Variants in PEAR1 observed in about 807,000 individuals in gnomAD.
PEAR1 encodes multiple EGF-like domains protein 12.
Under a neutral mutation model 131.2 loss-of-function variants are expected in PEAR1, and 113 were observed. The ratio of observed to expected loss-of-function variants is 0.86; its 90% CI spans 0.74 to 1.01. PEAR1 has a LOEUF of 1.01. PEAR1 is among the 50% of genes least tolerant of loss of function. PEAR1 has a pLI of 0.00. For missense variants in PEAR1, 1,408 were observed against 1,391.1 expected, an observed-to-expected ratio of 1.01 and a Z score of -0.19; for synonymous variants, 565 against 523.3, an observed-to-expected ratio of 1.08 and a Z score of -1.09.
chr1:156,913,443 C>G lies in PEAR1; in HGVS notation c.2564C>G (p.Ala855Gly). 1 of 1,613,832 alleles carries G rather than the reference C, an allele frequency of 6.2e-7. No individual in the cohort carries two copies. Among genetic ancestry groups the G allele is most frequent in the Non-Finnish European group, 8.5e-7 (1 of 1,180,030 alleles). Residue 855 changes from alanine (A) to glycine (G), a missense_variant, in exon 20 of 23, where the codon GCC becomes GGC. Coordinates refer to ENST00000292357, the MANE Select transcript of PEAR1 (RefSeq NM_001080471.3). ...SLQNPERPGG[A>G]QGHDNHTTLP... ...CAGAACCCTGAGCGGCCAGGTGGGG[C>G]CCAAGGGCATGATAACCACACCACC...
In PEAR1 at chr1:156,913,237, C is replaced by T. The variant is rs113502219; in HGVS notation, c.2466C>T (p.Tyr822=). 1,133 of 1,613,818 alleles carry T rather than the reference C, an allele frequency of 7.0e-4. 11 individuals are homozygous for T. The African/African-American group carries it at 0.013, about 18-fold the overall frequency. ...SYSHYYSNPS[Y]HTLSQCSPNP... ...GTCACTACTACTCCAACCCCAGCTA[C>T]CACACCCTGTCGCAGTGCTCCCCAA... Residue 822 remains tyrosine, a synonymous_variant, in exon 19 of 23, where the codon TAC becomes TAT. Coordinates refer to ENST00000292357, the MANE Select transcript of PEAR1 (RefSeq NM_001080471.3).
At chr1:156,907,292 C>T (rs1352873040) in intron 6 of PEAR1, among the ~76,000 whole-genome samples, 3 of 152,158 alleles carry the variant, frequency 2.0e-5, no homozygotes, top group African/African-American at 4.8e-5. Flanking sequence ...TGGAGGCGCT[C>T]GTGGAGTTGA....
intron 1 of PEAR1, among the ~76,000 whole-genome samples, chr1:156,896,899 A>T (rs1233426419): frequency 6.6e-6 from 1 of 152,194 alleles, no homozygotes; most frequent in Admixed American, 6.5e-5. Flanking sequence ...TTGCTTTGTA[A>T]CGTTGAAAAG....
Position 156,909,718 on chromosome 1 carries a change from T to C in PEAR1, c.1412-33T>C, listed in dbSNP as rs1415762808. ...GTGCTTGCTCAGGAAGGGAAATGGG[T>C]CCCCATACCTACCTACCAGGCCCCT... On this transcript the variant is annotated intron_variant, in intron 11 of 22. Coordinates refer to ENST00000292357, the MANE Select transcript of PEAR1 (RefSeq NM_001080471.3). 1.2e-5 allele frequency: 19 copies of C among 1,567,958 alleles called. No individual in the cohort carries two copies. The South Asian group carries it at 1.9e-4, about 16-fold the overall frequency.
chr1:156,894,309 T>G (rs1327495513), intron 1 of PEAR1, among the ~76,000 whole-genome samples: 1 of 152,220 alleles, frequency 6.6e-6, no homozygotes, highest in African/African-American at 2.4e-5. Context: ...TCAAGAGGCC[T>G]GACCTCTGTG....
intron 17 of PEAR1, 21 bp from the exon 18 acceptor site, chr1:156,912,749 T>A (rs1278074639): frequency 6.2e-7 from 1 of 1,613,868 alleles, no homozygotes; most frequent in Admixed American, 1.7e-5. Context: ...CCATTCTGAG[T>A]GAGCACCCCA....
At chr1:156,909,239 C>T (rs984855411) in intron 11 of PEAR1, among the ~76,000 whole-genome samples, 35 of 152,330 alleles carry the variant, frequency 2.3e-4, no homozygotes, top group African/African-American at 7.7e-4. Flanking sequence ...AAAGATCCTA[C>T]CTGTCCTTAA....
intron 1 of PEAR1, among the ~76,000 whole-genome samples, chr1:156,901,529 A>G (rs144405906): frequency 2.6e-5 from 4 of 152,350 alleles, no homozygotes; most frequent in Middle Eastern, 3.4e-3. Context: ...CCACCACGCC[A>G]TAGGCTCTGT....
chr1:156,908,477 G>A lies in PEAR1; in HGVS notation c.1115+137G>A, dbSNP rs1000591071. On this transcript the variant is annotated intron_variant, in intron 9 of 22. Transcript: ENST00000292357. The surrounding 1 kb of genome is among the most constrained non-coding windows in gnomAD (Gnocchi z 4.2). Reference sequence around the variant, plus strand: ...GGGAAAGGGAGGGACCTCAGGGGCCGGGAGGGGCCTGGGGTACCGCTACTT... The same window carrying A: ...GGGAAAGGGAGGGACCTCAGGGGCCAGGAGGGGCCTGGGGTACCGCTACTT... The A allele has an allele frequency of 6.3e-5, 79 of 1,245,396 alleles. No homozygotes were observed. The highest frequency in any genetic ancestry group is 8.2e-5 in the Non-Finnish European group (76 of 926,280). 77.1% of individuals were successfully genotyped at this position (1,245,396 alleles called of 1,614,324 possible).
intron 2 of PEAR1, 145 bp downstream of exon 2, chr1:156,904,172 C>T: frequency 1.5e-6 from 1 of 678,098 alleles, no homozygotes; most frequent in South Asian, 1.8e-5. Flanking sequence ...TTCTCTGTTT[C>T]TGCTCTCTCT....
intron 1 of PEAR1, among the ~76,000 whole-genome samples, chr1:156,898,963 A>T (rs1361698723): frequency 6.6e-6 from 1 of 152,190 alleles, no homozygotes; most frequent in East Asian, 1.9e-4. Context: ...GAACAAGACA[A>T]AAGTCCAAAA....
chr1:156,908,281 C>A lies in PEAR1; in HGVS notation c.1056C>A (p.Asp352Glu). 2 of 1,581,870 alleles carry A rather than the reference C, an allele frequency of 1.3e-6. No homozygotes were observed. The highest frequency in any genetic ancestry group is 1.1e-5 in the South Asian group (1 of 87,472). Residue 352 changes from aspartate to glutamate, a missense_variant, in exon 9 of 23, where the codon GAC becomes GAA. Transcript: ENST00000292357. This position sits in a 1 kb window ranked among gnomAD's most constrained non-coding sequence, Gnocchi z 4.2. ...GCTGCACGGATCGCCTCTGCCCCGACGGCTTCTACGGTCTCAGCTGCCAGG... is the reference window on the plus strand; with the variant it reads ...GCTGCACGGATCGCCTCTGCCCCGAAGGCTTCTACGGTCTCAGCTGCCAGG... ...GDRCTDRLCP[D>E]GFYGLSCQAP...
intron 13 of PEAR1, 38 bp from the exon 14 acceptor site, chr1:156,910,196 G>T: frequency 6.2e-7 from 1 of 1,611,238 alleles, no homozygotes; most frequent in East Asian, 2.2e-5. Context: ...GAACTGAAGG[G>T]GGCCCAGCCA....
In PEAR1 at chr1:156,913,841, T is replaced by C; in HGVS notation, c.2714-11T>C. 6.2e-7 allele frequency: 1 copy of C among 1,611,598 alleles called. No homozygotes were observed. Among genetic ancestry groups the C allele is most frequent in the Admixed American group, 1.7e-5 (1 of 59,832 alleles). On this transcript the variant is annotated splice_polypyrimidine_tract_variant and intron_variant, in intron 21 of 22. Transcript: ENST00000292357. The stretch of plus-strand genomic sequence containing the variant: ...CCTCCATGCGGCCTGACTTCTTTCC[T>C]CTATCCTTAGGGCTCATCTCTGAAG...
chr1:156,914,899 G>A lies in PEAR1; in HGVS notation c.*101G>A, dbSNP rs557648428. 210 of 1,361,394 alleles carry A rather than the reference G, an allele frequency of 1.5e-4. 1 individual carries two copies. The South Asian group carries it at 2.5e-3, about 16-fold the overall frequency. The allele number at this position is 1,361,394 out of a possible 1,614,324, so 84.3% of individuals were successfully genotyped here. A position where few individuals can be genotyped will look rare whatever the true frequency, so the allele number is the denominator to read the frequency against. ...CCCTGCCAGGAGCAGGGAGTGGACCGGCAGGCTGTGAACATGAACAACGCT... is the reference window on the plus strand; with the variant it reads ...CCCTGCCAGGAGCAGGGAGTGGACCAGCAGGCTGTGAACATGAACAACGCT... On this transcript the variant is annotated 3_prime_UTR_variant, in exon 23 of 23. Transcript: ENST00000292357.
At chr1:156,912,667 C>G (rs751932698) in intron 17 of PEAR1, 45 bp downstream of exon 17, 4 of 1,609,172 alleles carry the variant, frequency 2.5e-6, no homozygotes, top group Non-Finnish European at 3.4e-6. Context: ...CCCCAGGGAA[C>G]TGGGACCTAG....
rs1463634793 is a variant in PEAR1 at position 156,911,185 on chromosome 1, TTC to T, written c.1951+444_1951+445del. Among the ~76,000 whole-genome samples the T allele has an allele frequency of 8.1e-5, 8 of 98,660 alleles. 1 individual carries two copies. Among genetic ancestry groups the T allele is most frequent in the Admixed American group, 1.3e-4 (1 of 7,834 alleles). The allele number at this position is 98,660 out of a possible 152,430, so 64.7% of individuals were successfully genotyped here. On this transcript the variant is annotated intron_variant, in intron 15 of 22. Coordinates refer to ENST00000292357, the MANE Select transcript of PEAR1 (RefSeq NM_001080471.3). ...TTCTTTCTTTCCTTTCTTTTCTTTC[TTC>T]TTTCTTTCTTTCTTTTCTTTCTTTC...
chr1:156,900,815 C>A (rs956309072), intron 1 of PEAR1, among the ~76,000 whole-genome samples: 1 of 152,098 alleles, frequency 6.6e-6, no homozygotes, highest in Non-Finnish European at 1.5e-5. Context: ...GCACTGTGGG[C>A]CCCCAGGGCA....
At position 156,908,750 on chromosome 1, in the gene PEAR1, G is replaced by A. The variant is rs542007002; in HGVS notation, c.1211G>A (p.Cys404Tyr). 3.2e-6 allele frequency: 5 copies of A among 1,580,472 alleles called. No homozygotes were observed. Among genetic ancestry groups the A allele is most frequent in the Non-Finnish European group, 4.3e-6 (5 of 1,166,180 alleles). The change falls in exon 10 of 23, where the codon TGC becomes TAC. Residue 404 changes from cysteine to tyrosine, a missense_variant. Coordinates refer to ENST00000292357, the MANE Select transcript of PEAR1 (RefSeq NM_001080471.3). The surrounding 1 kb of genome is among the most constrained non-coding windows in gnomAD (Gnocchi z 4.2). ...CCGCAGGACACGCATGGGCCAGGGT[G>A]CCAGGAGCACTGTCTCTGCCTGCAC... ...SCPQDTHGPG[C>Y]QEHCLCLHGG...
Sources: gnomAD v4.1 joint callset for allele counts (sites outside exome capture counted in the v4.1 genomes callset) on GRCh38, gnomAD v4.1.1 for gene constraint, Gnocchi (gnomAD v3.1) non-coding constraint, MANE v1.5 for transcripts, NCBI Gene and HGNC (gene_info 2026-07-23, HGNC 2026-07-21) for gene names.